Variants in PPP1R1C observed in about 807,000 individuals in gnomAD.
PPP1R1C encodes the protein protein phosphatase 1 regulatory inhibitor subunit 1C.
Under a neutral mutation model 17.4 loss-of-function variants are expected in PPP1R1C, and 15 were observed. The observed-to-expected ratio is 0.86, with a 90% CI of 0.58 to 1.33. The LOEUF (loss-of-function observed/expected upper bound fraction) is 1.33. Ranked by LOEUF, PPP1R1C falls within the 40% of genes most tolerant of loss-of-function variation. PPP1R1C has a pLI of 0.00. For synonymous variants in PPP1R1C, 35 were observed against 43.1 expected (o/e 0.81, Z 0.73); for missense variants, 143 against 130.0 (o/e 1.10, Z -0.48).
rs1279912427 is a variant in PPP1R1C, at chr2:181,976,559, G to T, written n.157+1295G>T. Among the ~76,000 whole-genome samples, 3 of 152,074 alleles carry T rather than the reference G, an allele frequency of 2.0e-5. No individual in the cohort carries two copies. On this transcript the variant is annotated intron_variant and non_coding_transcript_variant, in intron 2 of 5. Coordinates refer to the PPP1R1C transcript ENST00000464264. This position sits in a 1 kb window ranked among gnomAD's most constrained non-coding sequence, Gnocchi z 4.8. ...TACTGGCCTACTGTTCAGGAATCCT[G>T]AGTAATTCTCCTCACCTTAATATAA...
intron 5 of PPP1R1C, among the ~76,000 whole-genome samples, chr2:182,128,425 C>G (rs1574472761): frequency 1.3e-5 from 2 of 151,982 alleles, no homozygotes; most frequent in Non-Finnish European, 2.9e-5. Context: ...TGTCAGGGCC[C>G]CTCTGACTCT....
Position 181,977,132 on chromosome 2 carries a change from TAAAAAAAAAAAAAAAAAAAAAAAAA to T in PPP1R1C, n.157+1885_157+1909del, listed in dbSNP as rs67129466. Among the ~76,000 whole-genome samples, 8 of 19,850 alleles carry T rather than the reference TAAAAAAAAAAAAAAAAAAAAAAAAA, an allele frequency of 4.0e-4. 1 individual carries two copies. The South Asian group carries it at 0.012, about 30-fold the overall frequency. 13.0% of individuals were successfully genotyped at this position (19,850 alleles called of 152,430 possible). ...CTGGGCAACAGAGTGAGAATCTATC[TAAAAAAAAAAAAAAAAAAAAAAAAA>T]AAAAAAAAAAAAAAAAGCTAGGCTA... On this transcript the variant is annotated intron_variant and non_coding_transcript_variant, in intron 2 of 5. Transcript: ENST00000464264.
chr2:182,026,169 C>G, intron 2 of PPP1R1C, among the ~76,000 whole-genome samples: 2 of 87,828 alleles, frequency 2.3e-5, no homozygotes. Flanking sequence ...TGCCTGTTCA[C>G]TCTGATGGTA....
chr2:182,127,501 G>A (rs1689902907), intron 5 of PPP1R1C, among the ~76,000 whole-genome samples: 1 of 152,034 alleles, frequency 6.6e-6, no homozygotes, highest in South Asian at 2.1e-4. Flanking sequence ...CAAGCAACAG[G>A]CAATTTTCAT....
chr2:181,986,576 G>A (rs1459341692), intron 1 of PPP1R1C, among the ~76,000 whole-genome samples: 4 of 152,088 alleles, frequency 2.6e-5, no homozygotes, highest in African/African-American at 7.2e-5. Flanking sequence ...GATTGATTTA[G>A]CAATAAAATC....
At chr2:182,118,473 T>C (rs1689648042), downstream of PPP1R1C, among the ~76,000 whole-genome samples, 1 of 152,064 alleles carries the variant, frequency 6.6e-6, no homozygotes, top group Non-Finnish European at 1.5e-5. Flanking sequence ...TTCAAATGTA[T>C]CATGGATAAA....
intron 2 of PPP1R1C, among the ~76,000 whole-genome samples, chr2:182,053,488 T>G (rs1007734647): frequency 3.3e-5 from 5 of 152,200 alleles, no homozygotes; most frequent in Non-Finnish European, 2.9e-5. Context: ...TTTACTTCCA[T>G]GCCTTTGCCT....
chr2:182,099,097 T>A (rs1235408404), intron 4 of PPP1R1C, among the ~76,000 whole-genome samples: 1 of 151,918 alleles, frequency 6.6e-6, no homozygotes, highest in Non-Finnish European at 1.5e-5. Flanking sequence ...CACCATGGGG[T>A]GGGGGAAAAC....
At chr2:182,014,023 C>T (rs1686171674) in intron 2 of PPP1R1C, among the ~76,000 whole-genome samples, 1 of 152,182 alleles carries the variant, frequency 6.6e-6, no homozygotes, top group Non-Finnish European at 1.5e-5. Context: ...TCTGTCACTC[C>T]TGGTTGGTCC....
chr2:181,988,647 T>G (rs1003093917), intron 2 of PPP1R1C, among the ~76,000 whole-genome samples: 1 of 152,188 alleles, frequency 6.6e-6, no homozygotes, highest in African/African-American at 2.4e-5. Flanking sequence ...TGGTGTTGGA[T>G]TTTTTTGCAG....
chr2:182,018,103 A>C (rs997517018), intron 2 of PPP1R1C, among the ~76,000 whole-genome samples: 3 of 152,160 alleles, frequency 2.0e-5, no homozygotes, highest in Non-Finnish European at 4.4e-5. Context: ...AAATATTTAA[A>C]GCAAAAAATG....
intron 2 of PPP1R1C, among the ~76,000 whole-genome samples, chr2:181,990,287 T>C (rs56151684): frequency 0.1 from 15,174 of 151,796 alleles, 902 homozygotes; most frequent in African/African-American, 0.16. Context: ...TACAGGCTCC[T>C]GCCACCACGC....
intron 4 of PPP1R1C, among the ~76,000 whole-genome samples, chr2:182,083,584 G>T (rs1688542667): frequency 1.3e-5 from 2 of 152,068 alleles, no homozygotes; most frequent in African/African-American, 2.4e-5. Flanking sequence ...TTGTTGCAAA[G>T]GATATTTTTT....
chr2:182,076,992 G>A (rs1688332602), intron 4 of PPP1R1C, among the ~76,000 whole-genome samples: 1 of 152,138 alleles, frequency 6.6e-6, no homozygotes, highest in South Asian at 2.1e-4. Flanking sequence ...GAAGATGGTA[G>A]GCAGTGTCAT....
upstream of PPP1R1C, among the ~76,000 whole-genome samples, chr2:181,984,916 C>T (rs1410337946): frequency 6.6e-6 from 1 of 152,136 alleles, no homozygotes; most frequent in Admixed American, 6.5e-5. Flanking sequence ...ATGTTACTAC[C>T]TCCCCTTTAA....
At chr2:182,120,218 G>C (rs1434538189), downstream of PPP1R1C, among the ~76,000 whole-genome samples, 2 of 152,154 alleles carry the variant, frequency 1.3e-5, no homozygotes, top group Non-Finnish European at 1.5e-5. Context: ...GATGGTTGTA[G>C]ATATGCGGCA....
chr2:182,042,507 G>A (rs1056067332), intron 2 of PPP1R1C, among the ~76,000 whole-genome samples: 1 of 152,132 alleles, frequency 6.6e-6, no homozygotes, highest in African/African-American at 2.4e-5. Context: ...ACTGAAAACA[G>A]GAGGCTGAAG....
chr2:182,028,462 A>C (rs28894710), intron 2 of PPP1R1C, among the ~76,000 whole-genome samples: 5,431 of 152,060 alleles, frequency 0.036, 367 homozygotes, highest in Admixed American at 0.18. Flanking sequence ...CCTTCATTTC[A>C]TTATGTATCC....
intron 4 of PPP1R1C, among the ~76,000 whole-genome samples, chr2:182,113,045 C>T (rs1258344232): frequency 6.6e-6 from 1 of 152,114 alleles, no homozygotes; most frequent in Non-Finnish European, 1.5e-5. Context: ...GGATTAATAG[C>T]ATCCTAGGAT....
Sources: allele counts gnomAD v4.1 joint callset (sites outside exome capture counted in the v4.1 genomes callset), GRCh38; gene constraint gnomAD v4.1.1; non-coding constraint Gnocchi (gnomAD v3.1); transcripts MANE v1.5; gene names NCBI Gene and HGNC (gene_info 2026-07-23, HGNC 2026-07-21).